The following ADGRG2 variants were observed in gnomAD, a reference collection of about 807,000 sequenced individuals.
The protein encoded by ADGRG2 is G protein-coupled receptor 64.
ADGRG2 carries 26 observed loss-of-function variants against 74.1 expected under a neutral mutation model. That is an observed-to-expected ratio of 0.35 (90% CI 0.26 to 0.49). The LOEUF (loss-of-function observed/expected upper bound fraction) is 0.49. Ranked by LOEUF, ADGRG2 falls within the 20% of genes least tolerant of loss-of-function variation. ADGRG2 has a pLI of 0.99. For synonymous variants in ADGRG2, 296 were observed against 295.2 expected (o/e 1.00, Z -0.03); for missense variants, 619 against 763.1 (o/e 0.81, Z 2.22).
At chrX:19,089,238 C>G (rs1170118225) in intron 1 of ADGRG2, among the ~76,000 whole-genome samples, 1 of 111,331 alleles carries the variant, frequency 9.0e-6, no homozygotes, top group African/African-American at 3.3e-5. Context: ...AAGTTTCTAG[C>G]CCCTCCCTTT....
At chrX:19,035,668 T>C (rs915314064) in intron 7 of ADGRG2, 2 of 214,869 alleles carry the variant, frequency 9.3e-6, no homozygotes, top group African/African-American at 5.8e-5. Flanking sequence ...ATTCTCCATC[T>C]TTATGAGCTA....
chrX:19,092,087 T>C (rs2062025235), intron 1 of ADGRG2, among the ~76,000 whole-genome samples: 1 of 112,083 alleles, frequency 8.9e-6, no homozygotes, highest in African/African-American at 3.2e-5. Flanking sequence ...ATCTGACAAC[T>C]TGTCCACCCC....
chrX:19,116,401 C>T (rs376206008), intron 1 of ADGRG2, among the ~76,000 whole-genome samples: 7 of 104,614 alleles, frequency 6.7e-5, no homozygotes, highest in African/African-American at 2.5e-4. Context: ...GTCCCAGCTA[C>T]TAGGGAGGCT....
At position 19,025,720 on chromosome X, in the gene ADGRG2, A is replaced by C. The variant is rs1601924672; in HGVS notation, c.470+1499T>G. ...AGACCAGCCTGGCCAACATGGCAAA[A>C]CCCCGTCTCTACTAAAAATACAAAA... On this transcript the variant is annotated intron_variant, in intron 11 of 28. Coordinates refer to ENST00000379869, the MANE Select transcript of ADGRG2 (RefSeq NM_001079858.3). Among the ~76,000 whole-genome samples the C allele has an allele frequency of 2.7e-5, 3 of 109,954 alleles. No individual in the cohort carries two copies. In the Admixed American group the frequency reaches 2.9e-4, roughly 11 times the overall value.
chrX:19,000,949 G>A (rs1181310912), intron 24 of ADGRG2, among the ~76,000 whole-genome samples: 2 of 110,527 alleles, frequency 1.8e-5, no homozygotes, highest in Admixed American at 1.9e-4. Context: ...TGGCTAGGCT[G>A]GTCTCGAACT....
At chrX:19,004,943 T>G (rs749845907) in intron 22 of ADGRG2, 64 bp from the exon 23 acceptor site, 2 of 895,429 alleles carry the variant, frequency 2.2e-6, no homozygotes, top group Non-Finnish European at 3.1e-6. Flanking sequence ...ACTTATGATG[T>G]ATCAAGTATT....
chrX:19,023,853 T>C, intron 12 of ADGRG2, 56 bp downstream of exon 12: 1 of 828,525 alleles, frequency 1.2e-6, no homozygotes. Context: ...AACCCTATGC[T>C]TTCCCCCAGG....
At chrX:19,073,607 T>C (rs910599890) in intron 2 of ADGRG2, among the ~76,000 whole-genome samples, 4 of 111,997 alleles carry the variant, frequency 3.6e-5, no homozygotes, top group African/African-American at 1.3e-4. Context: ...TTTTGAAATA[T>C]ATATCATCAG....
intron 3 of ADGRG2, among the ~76,000 whole-genome samples, chrX:19,053,614 C>T (rs1201089505): frequency 2.7e-5 from 3 of 111,768 alleles, no homozygotes; most frequent in Non-Finnish European, 5.6e-5. Context: ...GAAAAACAGG[C>T]ACGAAGATAA....
At chrX:19,046,069 A>G (rs1396869491) in intron 3 of ADGRG2, among the ~76,000 whole-genome samples, 2 of 110,782 alleles carry the variant, frequency 1.8e-5, no homozygotes, top group African/African-American at 6.6e-5. Flanking sequence ...AAATTTTTTC[A>G]GAAATGGGGG....
intron 13 of ADGRG2, among the ~76,000 whole-genome samples, chrX:19,022,195 G>A (rs2060604145): frequency 9.2e-6 from 1 of 108,832 alleles, no homozygotes; most frequent in Non-Finnish European, 1.9e-5. Flanking sequence ...AACCTGGGAG[G>A]TGGAAGTTGC....
intron 2 of ADGRG2, 21 bp from the exon 3 acceptor site, chrX:19,068,856 G>A: frequency 1.3e-6 from 1 of 789,450 alleles, no homozygotes; most frequent in Non-Finnish European, 1.9e-6. Context: ...GTAAGGAGAA[G>A]ACAGATCATC....
Position 19,013,671 on chromosome X carries a change from T to G in ADGRG2, c.1099+15A>C. 8.6e-7 allele frequency: 1 copy of G among 1,160,187 alleles called. No individual in the cohort carries two copies. On this transcript the variant is annotated intron_variant, in intron 16 of 28. Coordinates refer to ENST00000379869, the MANE Select transcript of ADGRG2 (RefSeq NM_001079858.3). ...TCTTGATTGGCAGATTGGCCGCTGTTCAAGTGACATTTACCTGTCTGGACA... is the reference window on the plus strand; with the variant it reads ...TCTTGATTGGCAGATTGGCCGCTGTGCAAGTGACATTTACCTGTCTGGACA...
intron 3 of ADGRG2, among the ~76,000 whole-genome samples, chrX:19,042,882 T>C (rs751341251): frequency 2.7e-5 from 3 of 110,780 alleles, no homozygotes; most frequent in African/African-American, 3.3e-5. Flanking sequence ...TCCCAGCTAC[T>C]TGGGAGGCGG....
At chrX:19,063,373 CACTT>C (rs984034133) in intron 3 of ADGRG2, among the ~76,000 whole-genome samples, 1 of 112,195 alleles carries the variant, frequency 8.9e-6, no homozygotes, top group African/African-American at 3.2e-5. Context: ...AGTCCCCAGA[CACTT>C]ACTGAGGGTG....
intron 1 of ADGRG2, among the ~76,000 whole-genome samples, chrX:19,109,771 C>T (rs2062379749): frequency 8.9e-6 from 1 of 111,853 alleles, no homozygotes; most frequent in Admixed American, 9.6e-5. Flanking sequence ...TAAAACATGT[C>T]GATTTTGTGG....
At chrX:19,042,306 G>T (rs6633187) in intron 3 of ADGRG2, among the ~76,000 whole-genome samples, 4 of 111,491 alleles carry the variant, frequency 3.6e-5, no homozygotes, top group Middle Eastern at 4.7e-3. Context: ...ACACCTGTCA[G>T]TGTGGGCAGG....
intron 28 of ADGRG2, 55 bp from the exon 29 acceptor site, chrX:18,991,103 A>G: frequency 4.2e-6 from 3 of 720,127 alleles, no homozygotes; most frequent in Non-Finnish European, 6.0e-6. Flanking sequence ...AAGCATTAAA[A>G]AGCAAACAAA....
At chrX:19,070,303 AT>A (rs1317853625) in intron 2 of ADGRG2, among the ~76,000 whole-genome samples, 2 of 112,796 alleles carry the variant, frequency 1.8e-5, no homozygotes, top group Non-Finnish European at 3.7e-5. Context: ...TTTACCATTC[AT>A]TCATTTATTC....
Sources: gnomAD v4.1 joint callset for allele counts (sites outside exome capture counted in the v4.1 genomes callset) on GRCh38, gnomAD v4.1.1 for gene constraint, MANE v1.5 for transcripts, NCBI Gene and HGNC (gene_info 2026-07-23, HGNC 2026-07-21) for gene names.